The following ADGRL2 variants were observed in gnomAD, a reference collection of about 807,000 sequenced individuals.
ADGRL2 encodes adhesion G protein-coupled receptor L2.
ADGRL2 carries 44 observed loss-of-function variants against 157.4 expected under a neutral mutation model. The observed-to-expected ratio is 0.28, with a 90% CI of 0.22 to 0.36. The LOEUF (loss-of-function observed/expected upper bound fraction) is 0.36. Among genes scored for constraint, ADGRL2 ranks in the 10% least tolerant of loss-of-function variants. The pLI is 1.00. For missense variants in ADGRL2, 1,510 were observed against 1,768.9 expected (o/e 0.85, Z 2.63); for synonymous variants, 585 against 624.7 (o/e 0.94, Z 0.95).
chr1:81,491,821 G>T (rs2147954278), intron 2 of ADGRL2, among the ~76,000 whole-genome samples: 1 of 152,194 alleles, frequency 6.6e-6, no homozygotes, highest in East Asian at 1.9e-4. Context: ...TTTATTCTAT[G>T]CAATACTGTG....
At chr1:81,684,220 C>T (rs1162495) in intron 3 of ADGRL2, among the ~76,000 whole-genome samples, 55,937 of 152,058 alleles carry the variant, frequency 0.37, 10,518 homozygotes, top group Admixed American at 0.43. Context: ...CTGTTTTCCA[C>T]AGTGGCTGTA....
intron 1 of ADGRL2, among the ~76,000 whole-genome samples, chr1:81,380,344 T>C (rs2076322971): frequency 6.6e-6 from 1 of 152,218 alleles, no homozygotes; most frequent in African/African-American, 2.4e-5. Context: ...GAATGGGATA[T>C]TCTTTTTGAA....
chr1:81,813,056 T>G (rs1346565631), intron 1 of ADGRL2, among the ~76,000 whole-genome samples: 1 of 151,720 alleles, frequency 6.6e-6, no homozygotes, highest in Non-Finnish European at 1.5e-5. Context: ...TTAGAGGCAT[T>G]TGGATATTTT....
chr1:81,964,026 G>A (rs970149080), intron 11 of ADGRL2, among the ~76,000 whole-genome samples: 1 of 151,294 alleles, frequency 6.6e-6, no homozygotes, highest in Non-Finnish European at 1.5e-5. Context: ...TTATCTATTT[G>A]TTGGTACAAA....
chr1:81,491,105 C>A (rs1338060262), intron 2 of ADGRL2, among the ~76,000 whole-genome samples: 1 of 152,156 alleles, frequency 6.6e-6, no homozygotes, highest in African/African-American at 2.4e-5. Flanking sequence ...ATCCCACCCC[C>A]TTGAGAATAA....
intron 2 of ADGRL2, among the ~76,000 whole-genome samples, chr1:81,448,335 G>T (rs1428289768): frequency 6.6e-6 from 1 of 151,128 alleles, no homozygotes; most frequent in Non-Finnish European, 1.5e-5. Flanking sequence ...TAGTAGAGAC[G>T]GGGTTTCACC....
At chr1:81,985,542 T>G (rs552827431) in intron 21 of ADGRL2, 187 bp downstream of exon 21, 1 of 376,160 alleles carries the variant, frequency 2.7e-6, no homozygotes, top group African/African-American at 2.1e-5. Flanking sequence ...AGATTTATCC[T>G]TTCTGACCAA....
intron 1 of ADGRL2, among the ~76,000 whole-genome samples, chr1:81,426,024 A>T (rs2077208196): frequency 6.6e-6 from 1 of 151,996 alleles, no homozygotes; most frequent in African/African-American, 2.4e-5. Flanking sequence ...GCACCACCAC[A>T]CCCAGCCAAC....
At chr1:81,875,358 T>C (rs2093811361) in intron 2 of ADGRL2, among the ~76,000 whole-genome samples, 1 of 152,142 alleles carries the variant, frequency 6.6e-6, no homozygotes, top group Non-Finnish European at 1.5e-5. Flanking sequence ...ATGAAAAATA[T>C]ATAGGAAAAT....
chr1:81,869,987 A>T (rs889241452), intron 2 of ADGRL2, among the ~76,000 whole-genome samples: 4 of 152,034 alleles, frequency 2.6e-5, no homozygotes, highest in Non-Finnish European at 4.4e-5. Flanking sequence ...AAAATTTAAA[A>T]AGTAGGAAAT....
chr1:81,477,250 A>T (rs2078291338), intron 2 of ADGRL2, among the ~76,000 whole-genome samples: 1 of 152,236 alleles, frequency 6.6e-6, no homozygotes, highest in Non-Finnish European at 1.5e-5. Context: ...GAGGTTAAGT[A>T]ACTTGCCCAA....
chr1:81,746,977 C>CATGTGTGTATAT (rs2085283491), intron 1 of ADGRL2, among the ~76,000 whole-genome samples: 1 of 147,368 alleles, frequency 6.8e-6, no homozygotes. Context: ...CACGTATACA[C>CATGTGTGTATAT]ACGTGTGTAT....
intron 1 of ADGRL2, among the ~76,000 whole-genome samples, chr1:81,375,579 T>C (rs10874226): frequency 0.91 from 137,905 of 152,250 alleles, 63,021 homozygotes; most frequent in East Asian, 0.99. Context: ...ACATTGGAAA[T>C]ATTACCATCT....
chr1:81,757,695 A>T (rs1428519402), intron 1 of ADGRL2, among the ~76,000 whole-genome samples: 1 of 152,234 alleles, frequency 6.6e-6, no homozygotes, highest in Non-Finnish European at 1.5e-5. Context: ...TTGCTCAATT[A>T]AACTACTTTA....
At chr1:81,581,738 G>A (rs2080914391) in intron 3 of ADGRL2, among the ~76,000 whole-genome samples, 1 of 152,066 alleles carries the variant, frequency 6.6e-6, no homozygotes, top group Admixed American at 6.6e-5. Context: ...TCTGGTTAGT[G>A]GAAAGGGGTA....
intron 2 of ADGRL2, among the ~76,000 whole-genome samples, chr1:81,838,415 G>A (rs982856824): frequency 2.6e-5 from 4 of 152,058 alleles, no homozygotes; most frequent in African/African-American, 9.7e-5. Context: ...AGATGACATT[G>A]CTCTTTGCTT....
chr1:81,980,038 T>C lies in ADGRL2; in HGVS notation c.3113+78T>C, dbSNP rs113674998. The stretch of plus-strand genomic sequence containing the variant: ...TCTCCACAGGGAACACAGGGATTTC[T>C]ACCTTCTATCAACTGTAGAAATTAT... On this transcript the variant is annotated intron_variant, in intron 18 of 23. Coordinates refer to ENST00000686636, the MANE Select transcript of ADGRL2 (RefSeq NM_001366006.2). 1.6e-3 allele frequency: 1,227 copies of C among 787,278 alleles called. 16 individuals carry two copies. The African/African-American group carries it at 0.019, about 12-fold the overall frequency. 48.8% of individuals were successfully genotyped at this position (787,278 alleles called of 1,614,324 possible).
At chr1:81,758,203 C>A (rs1338859127) in intron 1 of ADGRL2, among the ~76,000 whole-genome samples, 1 of 152,074 alleles carries the variant, frequency 6.6e-6, no homozygotes, top group Non-Finnish European at 1.5e-5. Flanking sequence ...CTTAATTGAG[C>A]AATTATTATT....
At chr1:81,544,060 C>T (rs1369277743) in intron 2 of ADGRL2, among the ~76,000 whole-genome samples, 1 of 152,120 alleles carries the variant, frequency 6.6e-6, no homozygotes. Context: ...CCACCTGTTT[C>T]AGATGCTAAC....
Sources: allele counts gnomAD v4.1 joint callset (sites outside exome capture counted in the v4.1 genomes callset), GRCh38; gene constraint gnomAD v4.1.1; transcripts MANE v1.5; gene names NCBI Gene and HGNC (gene_info 2026-07-23, HGNC 2026-07-21).